LUZP2: variants seen among roughly 807,000 people sequenced by gnomAD.
LUZP2 encodes leucine zipper protein 2.
In LUZP2, 52 loss-of-function variants were observed where a neutral mutation model predicts 51.6. That is an observed-to-expected ratio of 1.01 (90% confidence interval 0.81 to 1.27). LUZP2 has a LOEUF of 1.27. Ranked by LOEUF, LUZP2 falls within the 50% of genes most tolerant of loss-of-function variation. The probability of loss-of-function intolerance (pLI) is 0.00; values close to 1 mark genes in which losing one functional copy is unlikely to be tolerated. For missense variants in LUZP2, 436 were observed against 395.4 expected (o/e 1.10, Z -0.87); for synonymous variants, 154 against 137.3 (o/e 1.12, Z -0.85).
At chr11:24,788,971 T>C (rs539193229) in intron 5 of LUZP2, among the ~76,000 whole-genome samples, 1 of 152,282 alleles carries the variant, frequency 6.6e-6, no homozygotes, top group South Asian at 2.1e-4. Context: ...TCCAGAATAA[T>C]GTTTGATCAA....
chr11:24,852,995 C>T (rs985363256), intron 5 of LUZP2, among the ~76,000 whole-genome samples: 1 of 152,164 alleles, frequency 6.6e-6, no homozygotes, highest in African/African-American at 2.4e-5. Context: ...CTCCTGAATA[C>T]AGCACACCGA....
chr11:24,875,519 T>C (rs1400328934), intron 5 of LUZP2, among the ~76,000 whole-genome samples: 1 of 143,352 alleles, frequency 7.0e-6, no homozygotes, highest in African/African-American at 2.6e-5. Context: ...ACATTTGGGT[T>C]GGTTCCAAGT....
chr11:24,899,392 T>G (rs1011000807), intron 5 of LUZP2, among the ~76,000 whole-genome samples: 1 of 151,700 alleles, frequency 6.6e-6, no homozygotes, highest in Admixed American at 6.6e-5. Flanking sequence ...CTTCTAAATA[T>G]ACTAGACTCT....
At chr11:24,568,499 C>T (rs12805462) in intron 1 of LUZP2, among the ~76,000 whole-genome samples, 63,413 of 151,194 alleles carry the variant, frequency 0.42, 13,765 homozygotes, top group African/African-American at 0.52. Context: ...CAATGAAAAA[C>T]ATGTATGCAT....
chr11:24,856,185 A>G (rs1386210535), intron 5 of LUZP2, among the ~76,000 whole-genome samples: 1 of 152,094 alleles, frequency 6.6e-6, no homozygotes, highest in Non-Finnish European at 1.5e-5. Context: ...GAAAGAAAAT[A>G]TTTGCAAACT....
At chr11:25,016,762 T>C (rs1441325990) in intron 9 of LUZP2, among the ~76,000 whole-genome samples, 1 of 152,166 alleles carries the variant, frequency 6.6e-6, no homozygotes, top group South Asian at 2.1e-4. Context: ...TTTCATATGA[T>C]GACTTTTTTT....
intron 5 of LUZP2, chr11:24,786,542 A>AT: frequency 1.9e-6 from 1 of 534,226 alleles, no homozygotes; most frequent in Non-Finnish European, 2.4e-6. Flanking sequence ...CAAATATATA[A>AT]TATATAAACA....
chr11:25,012,226 C>T (rs1048562501), intron 9 of LUZP2, among the ~76,000 whole-genome samples: 1 of 152,154 alleles, frequency 6.6e-6, no homozygotes, highest in African/African-American at 2.4e-5. Context: ...CTCTTAGTCT[C>T]TACATCTTTA....
intron 5 of LUZP2, among the ~76,000 whole-genome samples, chr11:24,837,584 A>C (rs999787504): frequency 5.3e-5 from 8 of 151,866 alleles, no homozygotes; most frequent in African/African-American, 1.9e-4. Flanking sequence ...CAGGAAAAAC[A>C]ATCGACCTGG....
intron 7 of LUZP2, among the ~76,000 whole-genome samples, chr11:24,952,956 T>G (rs1285252544): frequency 1.3e-5 from 2 of 151,880 alleles, no homozygotes; most frequent in Non-Finnish European, 2.9e-5. Flanking sequence ...GAGTTTTTCT[T>G]TCTCCTGTAA....
chr11:24,500,651 C>G (rs1849966211), intron 1 of LUZP2, among the ~76,000 whole-genome samples: 1 of 152,122 alleles, frequency 6.6e-6, no homozygotes, highest in Admixed American at 6.5e-5. Context: ...TGTGGTTATA[C>G]TCTTGATGCC....
At chr11:24,803,250 A>G (rs1414920791) in intron 5 of LUZP2, among the ~76,000 whole-genome samples, 1 of 152,102 alleles carries the variant, frequency 6.6e-6, no homozygotes, top group African/African-American at 2.4e-5. Context: ...ATGGCTAAGT[A>G]GCTGGTGAGA....
At chr11:24,807,527 C>T (rs1433279307) in intron 5 of LUZP2, among the ~76,000 whole-genome samples, 2 of 150,806 alleles carry the variant, frequency 1.3e-5, no homozygotes, top group Non-Finnish European at 2.9e-5. Flanking sequence ...GCACAGGAGG[C>T]TACAGAAATA....
intron 5 of LUZP2, among the ~76,000 whole-genome samples, chr11:24,903,180 T>C (rs1036255195): frequency 6.6e-6 from 1 of 152,168 alleles, no homozygotes. Context: ...TACATCCCTT[T>C]ATTGGGGATA....
At chr11:24,964,361 T>C (rs1855518804) in intron 7 of LUZP2, among the ~76,000 whole-genome samples, 1 of 152,158 alleles carries the variant, frequency 6.6e-6, no homozygotes, top group Non-Finnish European at 1.5e-5. Context: ...CATTATTAGA[T>C]AACAGGATGT....
intron 1 of LUZP2, among the ~76,000 whole-genome samples, chr11:24,599,481 C>T (rs931346148): frequency 2.6e-5 from 4 of 152,090 alleles, no homozygotes; most frequent in Non-Finnish European, 4.4e-5. Context: ...AATTGACAAC[C>T]CTTGTATGTA....
Position 24,512,789 on chromosome 11 carries a change from G to A in LUZP2, c.62+15484G>A, listed in dbSNP as rs374316526. On this transcript the variant is annotated intron_variant, in intron 1 of 11. Transcript: ENST00000336930. ...TTTGGAGATGGAGTCTCACTCTGTT[G>A]CCCAGGCTGGAGTGCAGTGGCACGA... Among the ~76,000 whole-genome samples, 10 of 144,484 alleles carry A rather than the reference G, an allele frequency of 6.9e-5. No homozygotes were observed. In the East Asian group the frequency reaches 1.8e-3, roughly 26 times the overall value. The allele number at this position is 144,484 out of a possible 152,430, so 94.8% of individuals were successfully genotyped here.
At chr11:25,059,218 AAAG>A (rs1858767166) in intron 10 of LUZP2, among the ~76,000 whole-genome samples, 1 of 152,192 alleles carries the variant, frequency 6.6e-6, no homozygotes, top group South Asian at 2.1e-4. Flanking sequence ...AGTGAAGTAT[AAAG>A]AAGCGTTTAA....
intron 5 of LUZP2, among the ~76,000 whole-genome samples, chr11:24,869,548 C>T (rs1259545752): frequency 6.6e-6 from 1 of 152,028 alleles, no homozygotes; most frequent in Admixed American, 6.6e-5. Flanking sequence ...CCTCTGCCTT[C>T]GGGGTTCAAG....
Sources: allele counts gnomAD v4.1 joint callset (sites outside exome capture counted in the v4.1 genomes callset), GRCh38; gene constraint gnomAD v4.1.1; transcripts MANE v1.5; gene names NCBI Gene and HGNC (gene_info 2026-07-23, HGNC 2026-07-21).